EPB41L1: variants seen among roughly 807,000 people sequenced by gnomAD.
EPB41L1 encodes band 4.1-like protein 1.
A neutral mutation model predicts 97.8 loss-of-function variants in EPB41L1; 29 were observed. The observed-to-expected ratio is 0.30, with a 90% CI of 0.22 to 0.40. The LOEUF is 0.40. EPB41L1 is among the 10% of genes least tolerant of loss of function. The pLI is 1.00. For synonymous variants in EPB41L1, 383 were observed against 459.2 expected, an observed-to-expected ratio of 0.83 and a Z score of 2.12; for missense variants, 812 against 1,162.3, an observed-to-expected ratio of 0.70 and a Z score of 4.38.
intron 21 of EPB41L1, among the ~76,000 whole-genome samples, chr20:36,226,451 AG>A (rs937610887): frequency 6.6e-6 from 1 of 152,204 alleles, no homozygotes; most frequent in Non-Finnish European, 1.5e-5. Flanking sequence ...GAGGAAACTG[AG>A]GGTCAGAGAT....
intron 1 of EPB41L1, among the ~76,000 whole-genome samples, chr20:36,158,750 C>T (rs1241204129): frequency 6.6e-6 from 1 of 152,182 alleles, no homozygotes; most frequent in Non-Finnish European, 1.5e-5. Flanking sequence ...ATGCCTGTCT[C>T]ACAGGGACCA....
In EPB41L1 at chr20:36,092,606, C is replaced by G. The variant is rs2057689381; in HGVS notation, c.-65+994C>G. The G allele has an allele frequency of 1.3e-5, 2 of 151,564 alleles. No homozygotes were observed. The highest frequency in any genetic ancestry group is 4.2e-4 in the South Asian group (2 of 4,778). The allele number at this position is 151,564 out of a possible 1,614,324, so 9.4% of individuals were successfully genotyped here. On this transcript the variant is annotated intron_variant, in intron 1 of 19. Transcript: ENST00000202028. The surrounding 1 kb of genome is among the most constrained non-coding windows in gnomAD (Gnocchi z 7.0). ...TCGCCGCCGCCTCCTCCGGGGGAGC[C>G]GGCCGGGGCGGGGCGGAGCGGCGAG...
rs1192825284 is a variant in EPB41L1 at position 36,187,671 on chromosome 20, C to G, written c.786-5C>G. 6.2e-7 allele frequency: 1 copy of G among 1,613,628 alleles called. No individual in the cohort carries two copies. Among genetic ancestry groups the G allele is most frequent in the Non-Finnish European group, 8.5e-7 (1 of 1,179,780 alleles). ...GGTCACCTGTGATCACTTTCTTTCC[C>G]TCAGGGGGATGACCCCGGGAGAAGC... is the stretch of plus-strand genomic sequence containing the variant. On this transcript the variant is annotated splice_polypyrimidine_tract_variant and splice_region_variant and intron_variant, in intron 7 of 21. Coordinates refer to ENST00000338074, the MANE Select transcript of EPB41L1 (RefSeq NM_012156.2).
intron 2 of EPB41L1, among the ~76,000 whole-genome samples, chr20:36,113,216 G>A (rs1160978275): frequency 6.6e-6 from 1 of 152,198 alleles, no homozygotes. Context: ...CTGGCAGGGC[G>A]AGGGAGTAGA....
upstream of EPB41L1, chr20:36,151,837 C>G (rs2060061897): frequency 6.6e-6 from 1 of 152,372 alleles, no homozygotes; most frequent in African/African-American, 2.4e-5. Flanking sequence ...CGCGGTGGCT[C>G]ACGCCTGTAA....
At chr20:36,182,394 A>G (rs1298174092) in intron 6 of EPB41L1, 47 bp downstream of exon 6, 3 of 1,598,936 alleles carry the variant, frequency 1.9e-6, no homozygotes, top group African/African-American at 1.3e-5. Context: ...GTGTGGGACT[A>G]TGGATGAGGG....
intron 14 of EPB41L1, among the ~76,000 whole-genome samples, chr20:36,199,881 G>GACC (rs551324544): frequency 1.3e-3 from 194 of 152,314 alleles, no homozygotes; most frequent in African/African-American, 4.3e-3. Context: ...TAGACCTCTG[G>GACC]AGTGTCTCAG....
At chr20:36,118,243 T>C (rs960902069) in intron 2 of EPB41L1, among the ~76,000 whole-genome samples, 2 of 152,018 alleles carry the variant, frequency 1.3e-5, no homozygotes, top group East Asian at 1.9e-4. Context: ...TCCCAGCTAC[T>C]TGGGAGGCTG....
intron 14 of EPB41L1, chr20:36,205,780 G>A (rs577473513): frequency 8.1e-7 from 1 of 1,228,722 alleles, no homozygotes; most frequent in South Asian, 1.4e-5. Context: ...CTTACAAAGG[G>A]AAAAACTCAC....
chr20:36,179,958 C>T (rs1332562788), intron 5 of EPB41L1, among the ~76,000 whole-genome samples: 2 of 152,184 alleles, frequency 1.3e-5, no homozygotes, highest in Non-Finnish European at 2.9e-5. Flanking sequence ...CTAAAGGGAT[C>T]GGAAAACATA....
intron 16 of EPB41L1, among the ~76,000 whole-genome samples, chr20:36,213,761 T>C (rs990130234): frequency 1.3e-5 from 2 of 152,270 alleles, no homozygotes; most frequent in East Asian, 3.9e-4. Context: ...TCTTATAATA[T>C]CACCCAGAAA....
chr20:36,130,824 C>G (rs1286028016), intron 2 of EPB41L1, among the ~76,000 whole-genome samples: 1 of 147,938 alleles, frequency 6.8e-6, no homozygotes, highest in African/African-American at 2.5e-5. Context: ...TCTTTTTTTC[C>G]CCGAGACAGA....
At chr20:36,099,011 A>G (rs2147480790) in intron 1 of EPB41L1, among the ~76,000 whole-genome samples, 1 of 152,330 alleles carries the variant, frequency 6.6e-6, no homozygotes, top group Non-Finnish European at 1.5e-5. Context: ...TCTACTAAAA[A>G]TACAAAAATT....
intron 1 of EPB41L1, among the ~76,000 whole-genome samples, chr20:36,163,808 T>C (rs769428620): frequency 5.9e-5 from 9 of 151,940 alleles, no homozygotes; most frequent in Non-Finnish European, 1.5e-5. Flanking sequence ...TTGGGGAAGA[T>C]ACACCCAGGA....
chr20:36,196,957 C>T (rs1189166029), intron 13 of EPB41L1, among the ~76,000 whole-genome samples: 2 of 152,240 alleles, frequency 1.3e-5, no homozygotes, highest in Non-Finnish European at 2.9e-5. Context: ...TAGAATCCTA[C>T]AACTCTGGCT....
intron 14 of EPB41L1, among the ~76,000 whole-genome samples, chr20:36,205,614 C>T (rs1403303754): frequency 6.6e-6 from 1 of 152,112 alleles, no homozygotes; most frequent in Non-Finnish European, 1.5e-5. Flanking sequence ...AAGTTGGGGG[C>T]AGTGGTTGAG....
At chr20:36,147,522 G>C (rs1366617599) in intron 2 of EPB41L1, among the ~76,000 whole-genome samples, 1 of 152,208 alleles carries the variant, frequency 6.6e-6, no homozygotes, top group Non-Finnish European at 1.5e-5. Context: ...TGTGACCTTG[G>C]ATGAGTGATT....
rs2062178278 is a variant in EPB41L1 at position 36,195,918 on chromosome 20, A to T, written c.1485+554A>T. Among the ~76,000 whole-genome samples, 1 of 152,186 alleles carries T rather than the reference A, an allele frequency of 6.6e-6. No individual in the cohort carries two copies. Among genetic ancestry groups the T allele is most frequent in the South Asian group, 2.1e-4 (1 of 4,826 alleles). Reference sequence around the variant, plus strand: ...GCACACCTGCATCTGCCCCAACTCCAGTCCTACACCTCCCCCAGGCAGGGT... The same window carrying T: ...GCACACCTGCATCTGCCCCAACTCCTGTCCTACACCTCCCCCAGGCAGGGT... On this transcript the variant is annotated intron_variant, in intron 13 of 21. Transcript: ENST00000338074. The surrounding 1 kb of genome is among the most constrained non-coding windows in gnomAD (Gnocchi z 4.6).
At chr20:36,182,781 G>A (rs1261358750) in intron 6 of EPB41L1, among the ~76,000 whole-genome samples, 1 of 152,232 alleles carries the variant, frequency 6.6e-6, no homozygotes, top group Non-Finnish European at 1.5e-5. Flanking sequence ...ATCTCTGGGT[G>A]GGACATACCA....
Sources: gnomAD v4.1 joint callset for allele counts (sites outside exome capture counted in the v4.1 genomes callset) on GRCh38, gnomAD v4.1.1 for gene constraint, Gnocchi (gnomAD v3.1) non-coding constraint, MANE v1.5 for transcripts, NCBI Gene and HGNC (gene_info 2026-07-23, HGNC 2026-07-21) for gene names.